Variants in SEMA3F observed in about 807,000 individuals in gnomAD.
The protein encoded by SEMA3F is semaphorin-3F.
In SEMA3F, 30 loss-of-function variants were observed where a neutral mutation model predicts 98.5. The observed-to-expected ratio is 0.30, with a 90% CI of 0.23 to 0.41. SEMA3F has a LOEUF of 0.41. Among genes scored for constraint, SEMA3F ranks in the 10% least tolerant of loss-of-function variants. SEMA3F has a pLI of 1.00. For missense variants in SEMA3F, 866 were observed against 1,119.3 expected (o/e 0.77, Z 3.23); for synonymous variants, 380 against 444.8 (o/e 0.85, Z 1.83).
chr3:50,172,302 T>G (rs1296364715), intron 2 of SEMA3F, among the ~76,000 whole-genome samples: 1 of 152,150 alleles, frequency 6.6e-6, no homozygotes, highest in Non-Finnish European at 1.5e-5. Flanking sequence ...CCCCTGTGTG[T>G]GTGAATATTC....
rs1377347431 is a variant in SEMA3F, at chr3:50,173,841, C to T, written c.161C>T (p.Thr54Ile). ...TAHFFNFLLN[T>I]TDYRILLKDE... ...CACTTCTTCAACTTCCTGCTCAACACAACCGACTACCGAATCTTGCTCAAG... is the reference window on the plus strand; with the variant it reads ...CACTTCTTCAACTTCCTGCTCAACATAACCGACTACCGAATCTTGCTCAAG... Residue 54 changes from threonine to isoleucine, a missense_variant, in exon 3 of 19, where the codon ACA (threonine) becomes ATA (isoleucine). Physicochemically the swap from Thr to Ile is moderately conservative, Grantham distance 89 (BLOSUM62 -1). Coordinates refer to ENST00000002829, the MANE Select transcript of SEMA3F (RefSeq NM_004186.5). 1 of 1,614,134 alleles carries T rather than the reference C, an allele frequency of 6.2e-7. No homozygotes were observed.
chr3:50,160,183 A>G (rs1298950209), intron 2 of SEMA3F, among the ~76,000 whole-genome samples: 2 of 152,198 alleles, frequency 1.3e-5, no homozygotes, highest in Admixed American at 1.3e-4. Context: ...CTGGAAGAGC[A>G]GGACCTGCTC....
At chr3:50,162,277 G>A (rs1698233719) in intron 2 of SEMA3F, among the ~76,000 whole-genome samples, 1 of 152,198 alleles carries the variant, frequency 6.6e-6, no homozygotes, top group African/African-American at 2.4e-5. Context: ...TTTGCTGCCC[G>A]CCCATCCGCC....
rs1013426150 is a variant in SEMA3F, at chr3:50,155,524, C to G, written c.-89C>G. On this transcript the variant is annotated 5_prime_UTR_variant, in exon 1 of 19. Transcript: ENST00000002829. This position sits in a 1 kb window ranked among gnomAD's most constrained non-coding sequence, Gnocchi z 4.9. ...CCCAACGGGAGCCGCTCCGTGCCGC[C>G]GCCGCCGCCCGGGCGCCCAGGCCCC... The G allele has an allele frequency of 9.4e-6, 3 of 319,010 alleles. No homozygotes were observed. Among genetic ancestry groups the G allele is most frequent in the African/African-American group, 6.6e-5 (3 of 45,728 alleles). 19.8% of individuals were successfully genotyped at this position (319,010 alleles called of 1,614,324 possible).
chr3:50,170,620 T>G (rs903561438), intron 2 of SEMA3F, among the ~76,000 whole-genome samples: 6 of 152,032 alleles, frequency 3.9e-5, no homozygotes, highest in African/African-American at 1.2e-4. Flanking sequence ...AGGGTCACTT[T>G]GAATATCAGT....
intron 2 of SEMA3F, among the ~76,000 whole-genome samples, chr3:50,163,250 C>A (rs1227717143): frequency 2.0e-5 from 3 of 152,212 alleles, no homozygotes; most frequent in Non-Finnish European, 1.5e-5. Context: ...CTCCCCATGC[C>A]CTCTGTCTGC....
Position 50,188,346 on chromosome 3 carries a change from C to T in SEMA3F, c.*231C>T. The T allele has an allele frequency of 6.0e-6, 1 of 167,394 alleles. No homozygotes were observed. The highest frequency in any genetic ancestry group is 1.3e-5 in the Non-Finnish European group (1 of 79,244). 10.4% of individuals were successfully genotyped at this position (167,394 alleles called of 1,614,324 possible). On this transcript the variant is annotated 3_prime_UTR_variant, in exon 19 of 19. Transcript: ENST00000002829. This position sits in a 1 kb window ranked among gnomAD's most constrained non-coding sequence, Gnocchi z 4.5. ...AGAAAACAGAGCCTGCCTAACCAGG[C>T]CCAGCCAGTTGGTGGGGCCAGGCCA...
intron 7 of SEMA3F, among the ~76,000 whole-genome samples, chr3:50,177,564 C>G (rs554988465): frequency 5.9e-4 from 90 of 152,364 alleles, no homozygotes; most frequent in Non-Finnish European, 9.6e-4. Context: ...TTATCCTCCC[C>G]CTCTTGGCAA....
intron 2 of SEMA3F, among the ~76,000 whole-genome samples, chr3:50,164,303 A>T (rs1396022276): frequency 6.6e-6 from 1 of 152,170 alleles, no homozygotes. Flanking sequence ...GGAGTAAATC[A>T]TGTTCCTTGG....
intron 7 of SEMA3F, among the ~76,000 whole-genome samples, chr3:50,180,995 A>T (rs1431079644): frequency 6.6e-6 from 1 of 150,516 alleles, no homozygotes; most frequent in African/African-American, 2.4e-5. Flanking sequence ...TGAGCCTGGG[A>T]GGTGGAGGTT....
Position 50,187,865 on chromosome 3 carries a change from A to G in SEMA3F, c.2108A>G (p.His703Arg), listed in dbSNP as rs1270879493. Residue 703 changes from histidine to arginine, a missense_variant, in exon 19 of 19, where the codon CAT becomes CGT. His to Arg is a conservative substitution (Grantham distance 29). Around this residue, in one of 3 missense-constraint regions of SEMA3F, gnomAD observed 245 missense variants for 260.5 expected, o/e 0.94. Coordinates refer to ENST00000002829, the MANE Select transcript of SEMA3F (RefSeq NM_004186.5). ...CATGTACTGGGCCGGGACGCCGTCC[A>G]TGCTGCCCTCTTCCCACCACTGTCC... ...QLHVLGRDAV[H>R]AALFPPLSMS... is the part of the protein sequence containing the mutation. 2 of 1,613,116 alleles carry G rather than the reference A, an allele frequency of 1.2e-6. No individual in the cohort carries two copies. Among genetic ancestry groups the G allele is most frequent in the Non-Finnish European group, 1.7e-6 (2 of 1,179,854 alleles).
rs556432768 is a variant in SEMA3F at position 50,155,915 on chromosome 3, C to G, written c.-49+351C>G. On this transcript the variant is annotated intron_variant, in intron 1 of 18. Coordinates refer to ENST00000002829, the MANE Select transcript of SEMA3F (RefSeq NM_004186.5). This position sits in a 1 kb window ranked among gnomAD's most constrained non-coding sequence, Gnocchi z 4.9. ...TTCCGATCCCCCTTCTGCCTCAGCT[C>G]TCTCTCCCATTAACGCCCGAGGCAG... 6.5e-6 allele frequency: 1 copy of G among 152,892 alleles called. No individual in the cohort carries two copies. Among genetic ancestry groups the G allele is most frequent in the Non-Finnish European group, 1.5e-5 (1 of 68,480 alleles). 9.5% of individuals were successfully genotyped at this position (152,892 alleles called of 1,614,324 possible).
At position 50,170,475 on chromosome 3, in the gene SEMA3F, G is replaced by A. The variant is rs1439471752; in HGVS notation, c.113-3318G>A. On this transcript the variant is annotated intron_variant, in intron 2 of 18. Transcript: ENST00000002829. ...ACACGTGGAAGCCTGCTTCCTTGGGGAAGGACTTGGGACCTCATTCCACTC... is the reference window on the plus strand; with the variant it reads ...ACACGTGGAAGCCTGCTTCCTTGGGAAAGGACTTGGGACCTCATTCCACTC... 4.6e-5 allele frequency among the ~76,000 whole-genome samples: 7 copies of A among 152,080 alleles called. No homozygotes were observed. The East Asian group carries it at 1.2e-3, about 25-fold the overall frequency.
At position 50,170,448 on chromosome 3, in the gene SEMA3F, C is replaced by T. The variant is rs943251985; in HGVS notation, c.113-3345C>T. Among the ~76,000 whole-genome samples, 7 of 152,114 alleles carry T rather than the reference C, an allele frequency of 4.6e-5. 1 individual carries two copies. Among genetic ancestry groups the T allele is most frequent in the Admixed American group, 4.6e-4 (7 of 15,274 alleles). The stretch of plus-strand genomic sequence containing the variant: ...GGGATGGATGCCCTACAAGAGATAG[C>T]GACACGTGGAAGCCTGCTTCCTTGG... On this transcript the variant is annotated intron_variant, in intron 2 of 18. Transcript: ENST00000002829.
At chr3:50,163,112 G>A (rs143590961) in intron 2 of SEMA3F, among the ~76,000 whole-genome samples, 4 of 152,208 alleles carry the variant, frequency 2.6e-5, no homozygotes, top group Non-Finnish European at 5.9e-5. Context: ...GGCAGGGATG[G>A]TGGTGGTGCT....
intron 18 of SEMA3F, 95 bp downstream of exon 18, chr3:50,186,841 T>G (rs1374532943): frequency 7.8e-7 from 1 of 1,278,888 alleles, no homozygotes; most frequent in Non-Finnish European, 1.0e-6. Context: ...TCTCATGCTG[T>G]GAAACCCCTT....
rs1699075613 is a variant in SEMA3F, at chr3:50,183,069, G to C, written c.1018+51G>C. On this transcript the variant is annotated intron_variant, in intron 10 of 18. Transcript: ENST00000002829. ...TGCTCTGGCTACAGCAAGAGGGATA[G>C]AGGCGGGATGGGCGATCAGGGTGCC... 1.9e-6 allele frequency: 3 copies of C among 1,583,736 alleles called. No individual in the cohort carries two copies. In the Admixed American group the frequency reaches 5.0e-5, roughly 26 times the overall value.
chr3:50,180,883 A>G (rs376386069), intron 7 of SEMA3F, among the ~76,000 whole-genome samples: 1 of 152,158 alleles, frequency 6.6e-6, no homozygotes, highest in Non-Finnish European at 1.5e-5. Context: ...CCTGGCCAAC[A>G]TGGTGAAACC....
At chr3:50,187,444 A>AG (rs1395681467) in intron 18 of SEMA3F, among the ~76,000 whole-genome samples, 1 of 151,784 alleles carries the variant, frequency 6.6e-6, no homozygotes, top group Non-Finnish European at 1.5e-5. Context: ...AAAAAAAAAA[A>AG]AAGGAATTCT....
Sources: gnomAD v4.1 joint callset for allele counts (sites outside exome capture counted in the v4.1 genomes callset) on GRCh38, gnomAD v4.1.1 for gene constraint, gnomAD v4.1.1 regional missense constraint, Gnocchi (gnomAD v3.1) non-coding constraint, MANE v1.5 for transcripts, NCBI Gene and HGNC (gene_info 2026-07-23, HGNC 2026-07-21) for gene names.